The following MFSD1 variants were observed in gnomAD, a reference collection of about 807,000 sequenced individuals.
The protein encoded by MFSD1 is lysosomal dipeptide transporter MFSD1.
In MFSD1, 59 loss-of-function variants were observed where a neutral mutation model predicts 67.1. The observed-to-expected ratio is 0.88, with a 90% CI of 0.71 to 1.09. The LOEUF (loss-of-function observed/expected upper bound fraction) is 1.09, where lower values mean the gene tolerates loss of function less well. Ranked by LOEUF, MFSD1 falls within the 50% of genes least tolerant of loss-of-function variation. The probability of loss-of-function intolerance (pLI) is 0.00; values close to 1 mark genes in which losing one functional copy is unlikely to be tolerated. For synonymous variants in MFSD1, 213 were observed against 200.3 expected (o/e 1.06, Z -0.54); for missense variants, 552 against 566.1 (o/e 0.97, Z 0.25).
At chr3:158,827,061 T>A (rs1410332773) in intron 14 of MFSD1, among the ~76,000 whole-genome samples, 3 of 152,252 alleles carry the variant, frequency 2.0e-5, no homozygotes, top group Non-Finnish European at 4.4e-5. Flanking sequence ...AAAAAAATGC[T>A]TAAATTAAGG....
At chr3:158,808,704 G>T (rs967487742) in intron 5 of MFSD1, among the ~76,000 whole-genome samples, 2 of 151,980 alleles carry the variant, frequency 1.3e-5, no homozygotes, top group African/African-American at 4.8e-5. Flanking sequence ...GCAGGAATTC[G>T]GACAAAGTGT....
intron 1 of MFSD1, 23 bp downstream of exon 1, chr3:158,802,338 G>A: frequency 6.2e-7 from 1 of 1,610,386 alleles, no homozygotes; most frequent in South Asian, 1.1e-5. Context: ...GGTGGGTTGG[G>A]GCTGATCTTT....
chr3:158,804,373 T>C lies in MFSD1; in HGVS notation c.216+2T>C. On this transcript the variant is annotated splice_donor_variant, in intron 2 of 15. Coordinates refer to ENST00000415822, the MANE Select transcript of MFSD1 (RefSeq NM_022736.4). LOFTEE classifies it high-confidence loss of function. The stretch of plus-strand genomic sequence containing the variant: ...GCCCTTCAGACTCAAGTTAAACGAG[T>C]AAGTTGATTTTTCACTCTTGTTTCT... 2 of 1,609,380 alleles carry C rather than the reference T, an allele frequency of 1.2e-6. No individual in the cohort carries two copies. The highest frequency in any genetic ancestry group is 8.5e-7 in the Non-Finnish European group (1 of 1,178,092).
In MFSD1 at chr3:158,824,105, T is replaced by C; in HGVS notation, c.1176-19T>C. On this transcript the variant is annotated intron_variant, in intron 12 of 15. Coordinates refer to ENST00000415822, the MANE Select transcript of MFSD1 (RefSeq NM_022736.4). ...GACTTTTGAAAATGAAATGTGTCTT[T>C]ATATTTCTTCCATTGTAGCATGCAG... The C allele has an allele frequency of 6.4e-7, 1 of 1,562,560 alleles. No individual in the cohort carries two copies.
intron 10 of MFSD1, 93 bp downstream of exon 10, chr3:158,821,746 C>T: frequency 8.5e-7 from 1 of 1,173,946 alleles, no homozygotes; most frequent in Non-Finnish European, 1.2e-6. Context: ...ATGTATGTGA[C>T]CTAATATTTT....
chr3:158,827,419 A>T, intron 15 of MFSD1, 82 bp downstream of exon 15: 2 of 662,902 alleles, frequency 3.0e-6, no homozygotes, highest in Non-Finnish European at 4.7e-6. Context: ...TGGGCTTTGA[A>T]GTTTTTTTTT....
At chr3:158,827,413 C>T in intron 15 of MFSD1, 76 bp downstream of exon 15, 4 of 749,734 alleles carry the variant, frequency 5.3e-6, no homozygotes, top group South Asian at 2.4e-5. Context: ...AAGGTTTGGG[C>T]TTTGAAGTTT....
chr3:158,819,583 C>T (rs2108227152), intron 7 of MFSD1, 66 bp from the exon 8 acceptor site: 2 of 908,644 alleles, frequency 2.2e-6, no homozygotes, highest in Non-Finnish European at 3.3e-6. Flanking sequence ...TGTACTTCTC[C>T]TTAGGAACCT....
Position 158,804,364 on chromosome 3 carries a change from T to A in MFSD1, c.209T>A (p.Val70Asp). The change falls in exon 2 of 16, where the codon GTT becomes GAT. Residue 70 changes from valine (V) to aspartate (D), a missense_variant. Val to Asp is a radical substitution (Grantham distance 152). Coordinates refer to ENST00000415822, the MANE Select transcript of MFSD1 (RefSeq NM_022736.4). ...AATCCTGCTGCCCTTCAGACTCAAG[T>A]TAAACGAGTAAGTTGATTTTTCACT... is the stretch of plus-strand genomic sequence containing the variant. ...YDNPAALQTQ[V>D]KRDMQVNTTK... The A allele has an allele frequency of 6.2e-7, 1 of 1,610,884 alleles. No individual in the cohort carries two copies.
At chr3:158,806,822 G>C (rs559420025) in intron 3 of MFSD1, among the ~76,000 whole-genome samples, 1 of 152,166 alleles carries the variant, frequency 6.6e-6, no homozygotes, top group South Asian at 2.1e-4. Flanking sequence ...TAGAAGTCTA[G>C]ACTTCTGTAG....
chr3:158,806,928 A>T (rs976867057), intron 3 of MFSD1, 112 bp from the exon 4 acceptor site: 14 of 887,404 alleles, frequency 1.6e-5, no homozygotes, highest in Non-Finnish European at 2.0e-5. Context: ...AAAGAAAACC[A>T]AAGTGAATTA....
Position 158,829,125 on chromosome 3 carries a change from A to T in MFSD1, c.*143A>T. 1 of 678,258 alleles carries T rather than the reference A, an allele frequency of 1.5e-6. No individual in the cohort carries two copies. The highest frequency in any genetic ancestry group is 2.3e-6 in the Non-Finnish European group (1 of 441,000). The allele number at this position is 678,258 out of a possible 1,614,324, so 42.0% of individuals were successfully genotyped here. ...TTATATCCAAATATACCTATTTCAAAGTGTATTTGTGAGGCCTGTTTTAGC... is the reference window on the plus strand; with the variant it reads ...TTATATCCAAATATACCTATTTCAATGTGTATTTGTGAGGCCTGTTTTAGC... On this transcript the variant is annotated 3_prime_UTR_variant, in exon 16 of 16. Transcript: ENST00000415822.
At chr3:158,822,191 G>T in intron 11 of MFSD1, 51 bp downstream of exon 11, 1 of 1,546,040 alleles carries the variant, frequency 6.5e-7, no homozygotes, top group Non-Finnish European at 8.8e-7. Context: ...CAAGGAGTCT[G>T]TCATGTTCAT....
intron 2 of MFSD1, among the ~76,000 whole-genome samples, chr3:158,804,684 C>T (rs1729632843): frequency 6.6e-6 from 1 of 152,178 alleles, no homozygotes; most frequent in Admixed American, 6.5e-5. Context: ...TGCTTAGTCA[C>T]CCGAATGACA....
rs77664101 is a variant in MFSD1, at chr3:158,822,214, G to A, written c.1077+74G>A. The A allele has an allele frequency of 1.4e-3, 2,080 of 1,446,014 alleles. 30 individuals carry two copies. In the African/African-American group the frequency reaches 0.026, roughly 18 times the overall value. The allele number at this position is 1,446,014 out of a possible 1,614,324, so 89.6% of individuals were successfully genotyped here. ...CTGTCATGTTCATCTAAGTAGGCAC[G>A]CTCAGCAAATTCAGATGACAAGGCC... is the stretch of plus-strand genomic sequence containing the variant. On this transcript the variant is annotated intron_variant, in intron 11 of 15. Transcript: ENST00000415822.
intron 11 of MFSD1, 29 bp from the exon 12 acceptor site, chr3:158,823,399 T>G (rs371955893): frequency 2.0e-5 from 29 of 1,454,164 alleles, no homozygotes; most frequent in Non-Finnish European, 2.7e-5. Context: ...AATGTAAGAC[T>G]GTGACCTTTT....
chr3:158,819,106 G>A (rs527833843), intron 7 of MFSD1, among the ~76,000 whole-genome samples: 1 of 152,336 alleles, frequency 6.6e-6, no homozygotes, highest in African/African-American at 2.4e-5. Context: ...GTAGTGATAT[G>A]AGATTGGTAT....
chr3:158,823,659 G>A, intron 12 of MFSD1, 134 bp downstream of exon 12: 1 of 732,646 alleles, frequency 1.4e-6, no homozygotes. Context: ...AACTGGAAAA[G>A]TCAGTAAATC....
intron 6 of MFSD1, among the ~76,000 whole-genome samples, chr3:158,813,184 G>A (rs1359250339): frequency 7.3e-6 from 1 of 137,360 alleles, no homozygotes; most frequent in Admixed American, 8.0e-5. Context: ...GTCTTGCTCT[G>A]TCACCCAGGC....
Sources: gnomAD v4.1 joint callset for allele counts (sites outside exome capture counted in the v4.1 genomes callset) on GRCh38, gnomAD v4.1.1 for gene constraint, MANE v1.5 for transcripts, NCBI Gene and HGNC (gene_info 2026-07-23, HGNC 2026-07-21) for gene names.